Variants in MPPED2 observed in about 807,000 individuals in gnomAD.
The protein encoded by MPPED2 is metallophosphoesterase MPPED2.
A neutral mutation model predicts 33.0 loss-of-function variants in MPPED2; 5 were observed. The observed-to-expected ratio is 0.15, with a 90% CI of 0.08 to 0.32. MPPED2 has a LOEUF of 0.32. Ranked by LOEUF, MPPED2 falls within the 10% of genes least tolerant of loss-of-function variation. MPPED2 has a pLI of 1.00. For missense variants in MPPED2, 275 were observed against 372.1 expected (o/e 0.74, Z 2.15); for synonymous variants, 136 against 141.9 (o/e 0.96, Z 0.29).
intron 1 of MPPED2, among the ~76,000 whole-genome samples, chr11:30,583,668 G>A (rs1011045138): frequency 2.6e-5 from 4 of 152,132 alleles, no homozygotes; most frequent in Non-Finnish European, 1.5e-5. Context: ...GCAATGAAGG[G>A]ATTAAAAGCT....
intron 2 of MPPED2, among the ~76,000 whole-genome samples, chr11:30,574,090 A>T (rs1275146457): frequency 6.6e-6 from 1 of 152,170 alleles, no homozygotes; most frequent in African/African-American, 2.4e-5. Flanking sequence ...TTTAGTGTAG[A>T]CTGTTTATAA....
At chr11:30,528,219 G>A (rs1327029360) in intron 3 of MPPED2, among the ~76,000 whole-genome samples, 6 of 151,960 alleles carry the variant, frequency 3.9e-5, no homozygotes. Flanking sequence ...AGCTTTATAG[G>A]ATATATTGGC....
chr11:30,457,084 G>C (rs1010131684), intron 4 of MPPED2, among the ~76,000 whole-genome samples: 1 of 152,084 alleles, frequency 6.6e-6, no homozygotes, highest in Admixed American at 6.5e-5. Flanking sequence ...TTTCTTCTCT[G>C]TCCTTTCACT....
intron 4 of MPPED2, among the ~76,000 whole-genome samples, chr11:30,466,330 A>G (rs533164280): frequency 3.3e-5 from 5 of 152,196 alleles, no homozygotes; most frequent in Admixed American, 6.5e-5. Context: ...AATTAATATT[A>G]AATTGGAGCA....
intron 4 of MPPED2, among the ~76,000 whole-genome samples, chr11:30,448,498 G>A (rs575992657): frequency 1.3e-5 from 2 of 151,948 alleles, no homozygotes; most frequent in South Asian, 4.2e-4. Context: ...ACACTAAAGT[G>A]TTACGGCTTT....
chr11:30,535,204 C>A (rs1224335582), intron 3 of MPPED2, among the ~76,000 whole-genome samples: 1 of 152,144 alleles, frequency 6.6e-6, no homozygotes, highest in Non-Finnish European at 1.5e-5. Flanking sequence ...GCCTAAATCT[C>A]CCAAGTTATT....
At chr11:30,537,225 CCTT>C (rs1359022340) in intron 2 of MPPED2, among the ~76,000 whole-genome samples, 13 of 152,104 alleles carry the variant, frequency 8.5e-5, no homozygotes, top group African/African-American at 2.9e-4. Context: ...CTGACAGCCT[CCTT>C]TAATTTCTCT....
chr11:30,386,397 C>T, exon 7 of MPPED2: 1 of 207,130 alleles, frequency 4.8e-6, no homozygotes, highest in Non-Finnish European at 9.6e-6. Context: ...GACACTGCTT[C>T]CTGCATCATG....
intron 2 of MPPED2, among the ~76,000 whole-genome samples, chr11:30,560,312 T>TAA (rs569768584): frequency 5.4e-5 from 8 of 149,382 alleles, no homozygotes; most frequent in African/African-American, 1.7e-4. Flanking sequence ...GTTTTTTTTT[T>TAA]AAAAAAAAAA....
intron 1 of MPPED2, among the ~76,000 whole-genome samples, chr11:30,581,880 A>AT (rs1957185161): frequency 1.3e-5 from 2 of 152,184 alleles, no homozygotes. Flanking sequence ...GTGCTCTGGC[A>AT]TTTTAAACAA....
At chr11:30,568,501 C>A (rs1956549572) in intron 2 of MPPED2, among the ~76,000 whole-genome samples, 1 of 152,164 alleles carries the variant, frequency 6.6e-6, no homozygotes, top group South Asian at 2.1e-4. Context: ...ATGGCACGAC[C>A]CTTCCTGCAG....
rs1305040724 is a variant in MPPED2 at position 30,570,639 on chromosome 11, C to A, written c.128+9607G>T. Among the ~76,000 whole-genome samples, 3 of 152,206 alleles carry A rather than the reference C, an allele frequency of 2.0e-5. No homozygotes were observed. In the East Asian group the frequency reaches 5.8e-4, roughly 29 times the overall value. The stretch of plus-strand genomic sequence containing the variant: ...AGGACTTAAACGAGCTAGTAAAATG[C>A]CTATGTCATAGAAGAAGGCTAACTC... On this transcript the variant is annotated intron_variant, in intron 2 of 6. Coordinates refer to ENST00000358117, the MANE Select transcript of MPPED2 (RefSeq NM_001584.3).
chr11:30,457,288 T>C (rs1590348744), intron 4 of MPPED2, among the ~76,000 whole-genome samples: 1 of 151,714 alleles, frequency 6.6e-6, no homozygotes, highest in East Asian at 1.9e-4. Flanking sequence ...ATGAAGGGGC[T>C]GGATCCTTAC....
In MPPED2 at chr11:30,411,156, T is replaced by A; in HGVS notation, c.*312A>T. ...TTTTTTCTTTCAGCTTAAAGCATAT[T>A]AAAATAAGACTTTTATCACTTTTTA... On this transcript the variant is annotated 3_prime_UTR_variant, in exon 7 of 7. Transcript: ENST00000358117. The A allele has an allele frequency of 9.8e-7, 1 of 1,018,218 alleles. No individual in the cohort carries two copies. 63.1% of individuals were successfully genotyped at this position (1,018,218 alleles called of 1,614,324 possible).
At chr11:30,465,025 T>TAGAGTTAGTATACTTTCTTCACAA (rs1950651476) in intron 4 of MPPED2, among the ~76,000 whole-genome samples, 1 of 152,182 alleles carries the variant, frequency 6.6e-6, no homozygotes, top group Non-Finnish European at 1.5e-5. Context: ...GTCTGAAAAT[T>TAGAGTTAGTATACTTTCTTCACAA]AGAGTTAGTA....
At chr11:30,395,234 G>T (rs1170971258) in intron 6 of MPPED2, among the ~76,000 whole-genome samples, 1 of 152,188 alleles carries the variant, frequency 6.6e-6, no homozygotes, top group Non-Finnish European at 1.5e-5. Context: ...TGAGTACTAT[G>T]TGATAGCTAA....
At chr11:30,543,608 A>G (rs1340026023) in intron 2 of MPPED2, among the ~76,000 whole-genome samples, 2 of 152,194 alleles carry the variant, frequency 1.3e-5, no homozygotes, top group Non-Finnish European at 1.5e-5. Context: ...ATCCATCCAC[A>G]TATAATCAGA....
Position 30,414,256 on chromosome 11 carries a change from C to T in MPPED2, c.738G>A (p.Lys246=). Residue 246 remains lysine, a synonymous_variant, in exon 6 of 7, where the codon AAG becomes AAA. Transcript: ENST00000358117. The part of the protein sequence containing the change: ...LNTVQRRVRP[K]LHVFGGIHEG... ...CATGGATTCCACCAAACACATGGAG[C>T]TTGGGCCGGACTCGCCTCTGAACCG... is the stretch of plus-strand genomic sequence containing the variant. The T allele has an allele frequency of 1.2e-6, 2 of 1,613,778 alleles. No homozygotes were observed. The highest frequency in any genetic ancestry group is 1.7e-6 in the Non-Finnish European group (2 of 1,179,714).
chr11:30,567,770 TCAC>T (rs1956509534), intron 2 of MPPED2, among the ~76,000 whole-genome samples: 1 of 152,188 alleles, frequency 6.6e-6, no homozygotes, highest in African/African-American at 2.4e-5. Flanking sequence ...GAGAACATTT[TCAC>T]CCAAGCAAAT....
Sources: gnomAD v4.1 joint callset for allele counts (sites outside exome capture counted in the v4.1 genomes callset) on GRCh38, gnomAD v4.1.1 for gene constraint, MANE v1.5 for transcripts, NCBI Gene and HGNC (gene_info 2026-07-23, HGNC 2026-07-21) for gene names.